NRG3: variants seen among roughly 807,000 people sequenced by gnomAD.
The protein encoded by NRG3 is neuregulin 3.
Under a neutral mutation model 66.9 loss-of-function variants are expected in NRG3, and 31 were observed. The ratio of observed to expected loss-of-function variants is 0.46; its 90% CI spans 0.35 to 0.63. The LOEUF (loss-of-function observed/expected upper bound fraction) is 0.63. Among genes scored for constraint, NRG3 ranks in the 20% least tolerant of loss-of-function variants. The pLI, the probability that NRG3 is intolerant of heterozygous loss-of-function variation, is 0.00. For missense variants in NRG3, 910 were observed against 878.9 expected, an observed-to-expected ratio of 1.04 and a Z score of -0.45; for synonymous variants, 393 against 359.4, an observed-to-expected ratio of 1.09 and a Z score of -1.06.
At chr10:82,475,095 C>G (rs933658352) in intron 2 of NRG3, among the ~76,000 whole-genome samples, 1 of 151,240 alleles carries the variant, frequency 6.6e-6, no homozygotes, top group Non-Finnish European at 1.5e-5. Flanking sequence ...AAAGAAATAA[C>G]AAAGATTGGA....
intron 1 of NRG3, among the ~76,000 whole-genome samples, chr10:82,308,960 T>A (rs1318031131): frequency 3.3e-5 from 5 of 152,200 alleles, no homozygotes; most frequent in African/African-American, 1.2e-4. Context: ...GCCTAAGGTA[T>A]AAACAAGACT....
At chr10:82,668,258 A>G (rs893082124) in intron 2 of NRG3, among the ~76,000 whole-genome samples, 5 of 152,206 alleles carry the variant, frequency 3.3e-5, no homozygotes, top group East Asian at 3.9e-4. Context: ...AGAACTATTT[A>G]TGATACAGTT....
chr10:82,792,942 A>T (rs2060649195), intron 3 of NRG3, among the ~76,000 whole-genome samples: 1 of 152,142 alleles, frequency 6.6e-6, no homozygotes, highest in South Asian at 2.1e-4. Flanking sequence ...CGGCGTCCCA[A>T]AGTGCTGGGA....
chr10:82,294,434 A>AGTGTGT lies in NRG3; in HGVS notation c.824-64280_824-64275dup, dbSNP rs35072007. Among the ~76,000 whole-genome samples the AGTGTGT allele has an allele frequency of 1.1e-3, 161 of 149,174 alleles. 1 individual carries two copies. Among genetic ancestry groups the AGTGTGT allele is most frequent in the African/African-American group, 3.0e-3 (124 of 40,862 alleles). On this transcript the variant is annotated intron_variant, in intron 1 of 8. Coordinates refer to ENST00000372141, the MANE Select transcript of NRG3 (RefSeq NM_001010848.4). ...TAATAAACACATATTCTACTGATGA[A>AGTGTGT]GTGTGTGTGTGTGTGTGTGTGTGTG...
At chr10:82,012,322 G>A (rs1044938054) in intron 1 of NRG3, among the ~76,000 whole-genome samples, 3 of 151,622 alleles carry the variant, frequency 2.0e-5, no homozygotes, top group Admixed American at 6.6e-5. Context: ...GCTACAAAGA[G>A]CAGGGGGACC....
At chr10:81,935,149 G>A (rs1331532211) in intron 1 of NRG3, among the ~76,000 whole-genome samples, 1 of 152,214 alleles carries the variant, frequency 6.6e-6, no homozygotes, top group Non-Finnish European at 1.5e-5. Flanking sequence ...TTAAAGTGTA[G>A]AGGAACAATT....
intron 1 of NRG3, among the ~76,000 whole-genome samples, chr10:82,088,081 A>G (rs1003282654): frequency 5.3e-5 from 8 of 152,098 alleles, no homozygotes; most frequent in Non-Finnish European, 1.2e-4. Context: ...ATTCATGATG[A>G]TTACATGGTG....
intron 2 of NRG3, among the ~76,000 whole-genome samples, chr10:82,543,230 C>T (rs2043666099): frequency 6.6e-6 from 1 of 152,020 alleles, no homozygotes; most frequent in South Asian, 2.1e-4. Context: ...ATTGGGATAA[C>T]TGGCAAAACT....
At chr10:82,112,108 G>A (rs898329645) in intron 1 of NRG3, among the ~76,000 whole-genome samples, 2 of 152,088 alleles carry the variant, frequency 1.3e-5, no homozygotes, top group Non-Finnish European at 2.9e-5. Context: ...GCTGGGCATG[G>A]TGGCACATGC....
intron 2 of NRG3, among the ~76,000 whole-genome samples, chr10:82,540,130 G>T (rs531382168): frequency 6.7e-6 from 1 of 150,056 alleles, no homozygotes; most frequent in South Asian, 2.1e-4. Context: ...TTGCTGCTTT[G>T]TTTTTTTCAG....
Position 82,553,720 on chromosome 10 carries a change from G to T in NRG3, c.954-184857G>T, listed in dbSNP as rs569208035. Among the ~76,000 whole-genome samples, 6 of 152,168 alleles carry T rather than the reference G, an allele frequency of 3.9e-5. No individual in the cohort carries two copies. The South Asian group carries it at 1.2e-3, about 32-fold the overall frequency. Reference sequence around the variant, plus strand: ...AACTCACGGAAGTCTGAATGAGTAGGGTGGGGGAATACTGAAAATAAAGTT... The same window carrying T: ...AACTCACGGAAGTCTGAATGAGTAGTGTGGGGGAATACTGAAAATAAAGTT... On this transcript the variant is annotated intron_variant, in intron 2 of 8. Transcript: ENST00000372141.
intron 1 of NRG3, among the ~76,000 whole-genome samples, chr10:82,287,182 A>G (rs1030191661): frequency 6.6e-6 from 1 of 151,974 alleles, no homozygotes; most frequent in African/African-American, 2.4e-5. Context: ...TGTTTGGGTC[A>G]TGGGGCAGGT....
chr10:82,772,796 C>G (rs2059766355), intron 3 of NRG3, among the ~76,000 whole-genome samples: 2 of 150,048 alleles, frequency 1.3e-5, no homozygotes, highest in African/African-American at 4.9e-5. Flanking sequence ...GCCTCGACCT[C>G]CTGGGCTCAA....
At chr10:82,020,921 A>C (rs1171454216) in intron 1 of NRG3, among the ~76,000 whole-genome samples, 1 of 152,058 alleles carries the variant, frequency 6.6e-6, no homozygotes, top group Non-Finnish European at 1.5e-5. Flanking sequence ...GCTAGTTCCA[A>C]AGGTGTTTTC....
intron 4 of NRG3, among the ~76,000 whole-genome samples, chr10:82,919,887 A>G (rs936837236): frequency 6.6e-6 from 1 of 152,098 alleles, no homozygotes; most frequent in Admixed American, 6.6e-5. Context: ...GAAAACAAAA[A>G]TTTCTCAAAT....
At chr10:82,535,801 C>A (rs1257999602) in intron 2 of NRG3, among the ~76,000 whole-genome samples, 1 of 152,090 alleles carries the variant, frequency 6.6e-6, no homozygotes, top group African/African-American at 2.4e-5. Context: ...AAGTTGCCTG[C>A]ACATTTTCCT....
chr10:82,631,349 G>A (rs2049817215), intron 2 of NRG3, among the ~76,000 whole-genome samples: 3 of 152,056 alleles, frequency 2.0e-5, no homozygotes, highest in South Asian at 4.1e-4. Flanking sequence ...GACTCCAGAG[G>A]TTTCCTAGAA....
intron 3 of NRG3, among the ~76,000 whole-genome samples, chr10:82,812,909 C>A (rs1387611255): frequency 2.0e-5 from 3 of 152,136 alleles, no homozygotes; most frequent in Non-Finnish European, 4.4e-5. Flanking sequence ...CTGCAATAGT[C>A]AAAACCAGAA....
intron 1 of NRG3, among the ~76,000 whole-genome samples, chr10:81,973,393 G>T (rs913560116): frequency 2.0e-5 from 3 of 152,114 alleles, no homozygotes; most frequent in Non-Finnish European, 4.4e-5. Flanking sequence ...CTTTATAATA[G>T]AATGATTTAT....
Sources: gnomAD v4.1 joint callset for allele counts (sites outside exome capture counted in the v4.1 genomes callset) on GRCh38, gnomAD v4.1.1 for gene constraint, MANE v1.5 for transcripts, NCBI Gene and HGNC (gene_info 2026-07-23, HGNC 2026-07-21) for gene names.